CHGB: variants seen among roughly 807,000 people sequenced by gnomAD.
CHGB encodes the protein secretogranin-1.
CHGB carries 46 observed loss-of-function variants against 69.9 expected under a neutral mutation model. That is an observed-to-expected ratio of 0.66 (90% CI 0.52 to 0.84). CHGB has a LOEUF of 0.84. Ranked by LOEUF, CHGB falls within the 40% of genes least tolerant of loss-of-function variation. The pLI, the probability that CHGB is intolerant of heterozygous loss-of-function variation, is 0.00. For missense variants in CHGB, 796 were observed against 822.2 expected, an observed-to-expected ratio of 0.97 and a Z score of 0.39; for synonymous variants, 312 against 298.2, an observed-to-expected ratio of 1.05 and a Z score of -0.48.
chr20:5,921,398 G>A (rs962653849), intron 3 of CHGB, among the ~76,000 whole-genome samples: 2 of 152,184 alleles, frequency 1.3e-5, no homozygotes, highest in African/African-American at 2.4e-5. Flanking sequence ...TCTGAACTCT[G>A]TGACATAGGT....
chr20:5,922,766 A>T lies in CHGB; in HGVS notation c.622A>T (p.Ile208Leu). 2 of 1,614,178 alleles carry T rather than the reference A, an allele frequency of 1.2e-6. No homozygotes were observed. The highest frequency in any genetic ancestry group is 1.7e-6 in the Non-Finnish European group (2 of 1,180,028). The change falls in exon 4 of 5, where the codon ATA (isoleucine) becomes TTA (leucine). Residue 208 changes from isoleucine (I) to leucine (L), a missense_variant. This residue lies in a region of CHGB where 518 missense variants were observed against 506.3 expected (regional missense o/e 1.02). Coordinates refer to ENST00000378961, the MANE Select transcript of CHGB (RefSeq NM_001819.3). ...CAATGAAAGAAAGCAGGCTTCAGCT[A>T]TAAAAAAAGAGGAGTTAGTGGCCAG... ...FLNERKQASAIKKEELVARSE... is the reference protein window; with the variant it reads ...FLNERKQASALKKEELVARSE...
In CHGB at chr20:5,923,301, A is replaced by G. The variant is rs1461940095; in HGVS notation, c.1157A>G (p.Lys386Arg). The change falls in exon 4 of 5, where the codon AAG (lysine) becomes AGG (arginine). Residue 386 changes from lysine to arginine, a missense_variant. Physicochemically the swap from Lys to Arg is conservative, Grantham distance 26. Coordinates refer to ENST00000378961, the MANE Select transcript of CHGB (RefSeq NM_001819.3). ...GAGGAGAGTTGGGATGAGGAGGACA[A>G]GAGAAACTACCCCAGCTTAGAGCTT... ...QSEESWDEED[K>R]RNYPSLELDK... is the part of the protein sequence containing the mutation. 1 of 1,613,682 alleles carries G rather than the reference A, an allele frequency of 6.2e-7. No homozygotes were observed. The highest frequency in any genetic ancestry group is 8.5e-7 in the Non-Finnish European group (1 of 1,180,016).
At chr20:5,921,727 C>G (rs2088514973) in intron 3 of CHGB, among the ~76,000 whole-genome samples, 2 of 152,188 alleles carry the variant, frequency 1.3e-5, no homozygotes, top group African/African-American at 4.8e-5. Context: ...TTATCACCAG[C>G]TACTAAGTTA....
At chr20:5,917,002 C>T (rs990266281) in intron 3 of CHGB, 83 bp downstream of exon 3, 1 of 1,252,152 alleles carries the variant, frequency 8.0e-7, no homozygotes, top group Admixed American at 1.7e-5. Context: ...TCTACTTTAT[C>T]TACAAATGAC....
Position 5,923,272 on chromosome 20 carries a change from G to C in CHGB, c.1128G>C (p.Gln376His), listed in dbSNP as rs753516907. Reference protein sequence around the residue: ...GSEEYRAPRPQSEESWDEEDK... With the variant: ...GSEEYRAPRPHSEESWDEEDK... Reference sequence around the variant, plus strand: ...AAGAATACAGGGCTCCAAGACCTCAGAGTGAGGAGAGTTGGGATGAGGAGG... The same window carrying C: ...AAGAATACAGGGCTCCAAGACCTCACAGTGAGGAGAGTTGGGATGAGGAGG... Residue 376 changes from glutamine to histidine, a missense_variant, in exon 4 of 5, where the codon CAG (glutamine) becomes CAC (histidine). Physicochemically the swap from Gln to His is conservative, Grantham distance 24. Transcript: ENST00000378961. 6.8e-6 allele frequency: 11 copies of C among 1,613,752 alleles called. No homozygotes were observed. The East Asian group carries it at 2.0e-4, about 29-fold the overall frequency.
Position 5,922,386 on chromosome 20 carries a change from T to G in CHGB, c.242T>G (p.Phe81Cys), listed in dbSNP as rs2088519017. 5 of 1,576,302 alleles carry G rather than the reference T, an allele frequency of 3.2e-6. No individual in the cohort carries two copies. Among genetic ancestry groups the G allele is most frequent in the Non-Finnish European group, 4.3e-6 (5 of 1,157,144 alleles). Reference sequence around the variant, plus strand: ...ACAACTGAAAATGAAAACACAAAGTTTGAAGTAAGATTGTTAAGAGACCCA... The same window carrying G: ...ACAACTGAAAATGAAAACACAAAGTGTGAAGTAAGATTGTTAAGAGACCCA... ...KETTENENTK[F>C]EVRLLRDPAD... The change falls in exon 4 of 5, where the codon TTT becomes TGT. Residue 81 changes from phenylalanine (F) to cysteine (C), a missense_variant. Around this residue, in one of 3 missense-constraint regions of CHGB, gnomAD observed 518 missense variants for 506.3 expected, o/e 1.02. Transcript: ENST00000378961.
At chr20:5,924,168 A>G in intron 4 of CHGB, 68 bp downstream of exon 4, 1 of 1,460,804 alleles carries the variant, frequency 6.8e-7, no homozygotes, top group Non-Finnish European at 9.1e-7. Context: ...GTTCAAGACT[A>G]TCCGATATTC....
At chr20:5,914,949 A>G (rs1322162777) in intron 1 of CHGB, among the ~76,000 whole-genome samples, 2 of 152,244 alleles carry the variant, frequency 1.3e-5, no homozygotes, top group African/African-American at 4.8e-5. Flanking sequence ...GAATGTTTAA[A>G]GAGGCTTAGA....
chr20:5,921,748 A>G (rs192525457), intron 3 of CHGB, among the ~76,000 whole-genome samples: 91 of 152,346 alleles, frequency 6.0e-4, no homozygotes, highest in Non-Finnish European at 1.1e-3. Context: ...TATATCACAT[A>G]CTGCTAGGTT....
At position 5,922,504 on chromosome 20, in the gene CHGB, A is replaced by G. The variant is rs1330896961; in HGVS notation, c.360A>G (p.Thr120=). The change falls in exon 4 of 5, where the codon ACA becomes ACG. Residue 120 remains threonine, a synonymous_variant. Transcript: ENST00000378961. ...TCCAAGGCCCAACAAAGGCAGACAC[A>G]GAGAAATGGGCAGAGGGAGGCGGGC... ...EDIQGPTKAD[T]EKWAEGGGHS... The G allele has an allele frequency of 1.2e-6, 2 of 1,613,146 alleles. No individual in the cohort carries two copies. The highest frequency in any genetic ancestry group is 3.3e-5 in the Admixed American group (2 of 59,902).
intron 1 of CHGB, among the ~76,000 whole-genome samples, chr20:5,913,628 C>CTTTTCTTTTTTTTTTT (rs1289315671): frequency 1.1e-5 from 1 of 90,474 alleles, no homozygotes; most frequent in African/African-American, 3.7e-5. Flanking sequence ...CTTTTCTTTT[C>CTTTTCTTTTTTTTTTT]TTTTTTTTTT....
In CHGB at chr20:5,911,533, G is replaced by C. The variant is rs528375343; in HGVS notation, c.-101G>C. On this transcript the variant is annotated 5_prime_UTR_variant, in exon 1 of 5. Transcript: ENST00000378961. ...CCACACCGCGGGGACCAGGAGGCACGCTGGTTTTCCGGGGCCGCTCCATCG... is the reference window on the plus strand; with the variant it reads ...CCACACCGCGGGGACCAGGAGGCACCCTGGTTTTCCGGGGCCGCTCCATCG... 43 of 1,285,454 alleles carry C rather than the reference G, an allele frequency of 3.3e-5. No homozygotes were observed. Among genetic ancestry groups the C allele is most frequent in the Middle Eastern group, 5.2e-4 (2 of 3,866 alleles). 79.6% of individuals were successfully genotyped at this position (1,285,454 alleles called of 1,614,324 possible). A position where few individuals can be genotyped will look rare whatever the true frequency, so the allele number is the denominator to read the frequency against.
rs760333741 is a variant in CHGB at position 5,922,838 on chromosome 20, C to A, written c.694C>A (p.Arg232=). 1.9e-6 allele frequency: 3 copies of A among 1,613,810 alleles called. No individual in the cohort carries two copies. The highest frequency in any genetic ancestry group is 1.3e-5 in the African/African-American group (1 of 74,844). The part of the protein sequence containing the change: ...AGHSQEKTHS[R]EKSSQESGEE... ...GCATTCTCAGGAGAAGACACATAGC[C>A]GAGAGAAGAGTAGCCAGGAGAGTGG... The change falls in exon 4 of 5, where the codon CGA becomes AGA. Residue 232 remains arginine (R), a synonymous_variant. Transcript: ENST00000378961.
chr20:5,918,367 T>G (rs1442987526), intron 3 of CHGB, among the ~76,000 whole-genome samples: 3 of 151,790 alleles, frequency 2.0e-5, no homozygotes, highest in Non-Finnish European at 2.9e-5. Context: ...GGATACAGCC[T>G]GGGTGGCAGA....
intron 3 of CHGB, among the ~76,000 whole-genome samples, chr20:5,920,574 A>T (rs185998649): frequency 6.6e-6 from 1 of 152,286 alleles, no homozygotes; most frequent in African/African-American, 2.4e-5. Context: ...TTAGGGCACT[A>T]ATCCCATTGT....
In CHGB at chr20:5,922,667, A is replaced by G. The variant is rs1210714933; in HGVS notation, c.523A>G (p.Lys175Glu). The G allele has an allele frequency of 6.2e-7, 1 of 1,613,910 alleles. No individual in the cohort carries two copies. Among genetic ancestry groups the G allele is most frequent in the African/African-American group, 1.3e-5 (1 of 74,932 alleles). The change falls in exon 4 of 5, where the codon AAA becomes GAA. Residue 175 changes from lysine to glutamate, a missense_variant. This residue lies in a region of CHGB where 518 missense variants were observed against 506.3 expected (regional missense o/e 1.02). Coordinates refer to ENST00000378961, the MANE Select transcript of CHGB (RefSeq NM_001819.3). ...EEEEEGENYQ[K>E]GERGEDSSEE... is the part of the protein sequence containing the mutation. The stretch of plus-strand genomic sequence containing the variant: ...GGAGGAGGAGGGAGAGAACTATCAA[A>G]AAGGGGAGCGAGGGGAAGATAGCAG...
At chr20:5,924,804 C>T (rs1282868324) in intron 4 of CHGB, among the ~76,000 whole-genome samples, 168 bp from the exon 5 acceptor site, 1 of 152,188 alleles carries the variant, frequency 6.6e-6, no homozygotes, top group Non-Finnish European at 1.5e-5. Flanking sequence ...TGACAAGTTC[C>T]TGGCTGATGC....
At chr20:5,916,152 G>T (rs547367434) in intron 1 of CHGB, 174 bp from the exon 2 acceptor site, 3 of 610,452 alleles carry the variant, frequency 4.9e-6, no homozygotes, top group South Asian at 2.1e-5. Flanking sequence ...TCCCCTCCTT[G>T]TCTGTGGTCT....
At chr20:5,916,065 G>C in intron 1 of CHGB, 1 of 440,918 alleles carries the variant, frequency 2.3e-6, no homozygotes, top group Non-Finnish European at 4.0e-6. Context: ...AACAGATCAT[G>C]AGTATACAGC....
Sources: gnomAD v4.1 joint callset for allele counts (sites outside exome capture counted in the v4.1 genomes callset) on GRCh38, gnomAD v4.1.1 for gene constraint, gnomAD v4.1.1 regional missense constraint, MANE v1.5 for transcripts, NCBI Gene and HGNC (gene_info 2026-07-23, HGNC 2026-07-21) for gene names.